The following KIN variants were observed in gnomAD, a reference collection of about 807,000 sequenced individuals.
KIN encodes the protein Kin17 DNA and RNA binding protein.
Under a neutral mutation model 63.0 loss-of-function variants are expected in KIN, and 47 were observed. The ratio of observed to expected loss-of-function variants is 0.75; its 90% CI spans 0.59 to 0.95. KIN has a LOEUF of 0.95. Ranked by LOEUF, KIN falls within the 40% of genes least tolerant of loss-of-function variation. The pLI, the probability that KIN is intolerant of heterozygous loss-of-function variation, is 0.00. For synonymous variants in KIN, 160 were observed against 157.7 expected, an observed-to-expected ratio of 1.01 and a Z score of -0.11; for missense variants, 408 against 460.9, an observed-to-expected ratio of 0.89 and a Z score of 1.05.
rs1387809713 is a variant in KIN, at chr10:7,755,202, G to C, written c.*878C>G. The stretch of plus-strand genomic sequence containing the variant: ...TAAAATCCTGTAAATGGGTGATCAT[G>C]GCAGCATTATTCACAATAGCCAAAA... On this transcript the variant is annotated 3_prime_UTR_variant, in exon 13 of 13. Coordinates refer to ENST00000379562, the MANE Select transcript of KIN (RefSeq NM_012311.4). 1 of 152,238 alleles carries C rather than the reference G, an allele frequency of 6.6e-6. No individual in the cohort carries two copies. The highest frequency in any genetic ancestry group is 1.5e-5 in the Non-Finnish European group (1 of 68,046). The allele number at this position is 152,238 out of a possible 1,614,324, so 9.4% of individuals were successfully genotyped here. A position where few individuals can be genotyped will look rare whatever the true frequency, so the allele number is the denominator to read the frequency against.
At chr10:7,771,762 G>A (rs141121065) in intron 7 of KIN, among the ~76,000 whole-genome samples, 3 of 152,084 alleles carry the variant, frequency 2.0e-5, no homozygotes, top group African/African-American at 7.2e-5. Context: ...GAGCATGGTG[G>A]TGCATGCCTG....
At chr10:7,775,240 G>C (rs1306559364) in intron 6 of KIN, among the ~76,000 whole-genome samples, 3 of 152,200 alleles carry the variant, frequency 2.0e-5, no homozygotes, top group Admixed American at 6.5e-5. Context: ...GGTGAATTCT[G>C]ATTGTCTAAT....
chr10:7,783,568 C>T (rs1588488953), intron 1 of KIN, among the ~76,000 whole-genome samples: 2 of 152,268 alleles, frequency 1.3e-5, no homozygotes, highest in African/African-American at 4.8e-5. Flanking sequence ...AGTGAATTTT[C>T]ACCACAGAAA....
intron 9 of KIN, among the ~76,000 whole-genome samples, chr10:7,764,164 GT>G (rs1835494736): frequency 6.6e-6 from 1 of 152,168 alleles, no homozygotes; most frequent in Admixed American, 6.5e-5. Flanking sequence ...GCGCTGAGTT[GT>G]TCACTGCTGA....
chr10:7,786,577 T>C (rs1206030712), intron 1 of KIN, among the ~76,000 whole-genome samples: 4 of 151,670 alleles, frequency 2.6e-5, no homozygotes, highest in African/African-American at 9.7e-5. Flanking sequence ...GCCTGCATGA[T>C]GAACAGGGTG....
chr10:7,765,510 C>A (rs1333317616), intron 9 of KIN, among the ~76,000 whole-genome samples: 1 of 152,034 alleles, frequency 6.6e-6, no homozygotes, highest in Non-Finnish European at 1.5e-5. Flanking sequence ...AATAGAGCAT[C>A]AATAAATAAT....
At chr10:7,765,623 T>A (rs1346378221) in intron 9 of KIN, among the ~76,000 whole-genome samples, 1 of 152,216 alleles carries the variant, frequency 6.6e-6, no homozygotes, top group Non-Finnish European at 1.5e-5. Flanking sequence ...CTTGAGTTTG[T>A]GAAATTAAAG....
intron 5 of KIN, among the ~76,000 whole-genome samples, chr10:7,777,904 C>A (rs7897713): frequency 0.94 from 140,104 of 148,332 alleles, 66,201 homozygotes; most frequent in Middle Eastern, 0.99. Context: ...GTCCCCCCCC[C>A]AAAAAAAAAA....
intron 5 of KIN, 85 bp downstream of exon 5, chr10:7,778,753 C>CAACAAT: frequency 7.1e-7 from 1 of 1,412,186 alleles, no homozygotes; most frequent in East Asian, 2.3e-5. Context: ...ACAACAACAA[C>CAACAAT]AACAAAAACA....
chr10:7,761,314 A>G lies in KIN; in HGVS notation c.1018+1143T>C, dbSNP rs1474601807. 3 of 152,240 alleles carry G rather than the reference A, an allele frequency of 2.0e-5. No homozygotes were observed. The East Asian group carries it at 5.8e-4, about 29-fold the overall frequency. 9.4% of individuals were successfully genotyped at this position (152,240 alleles called of 1,614,324 possible). A position where few individuals can be genotyped will look rare whatever the true frequency, so the allele number is the denominator to read the frequency against. On this transcript the variant is annotated intron_variant, in intron 11 of 12. Coordinates refer to ENST00000379562, the MANE Select transcript of KIN (RefSeq NM_012311.4). ...AAAAAGAATAAAGAATATGATAATA[A>G]GAAGTTCCAGAGACTGATGTTATCA...
intron 10 of KIN, among the ~76,000 whole-genome samples, chr10:7,763,062 C>T (rs1180670233): frequency 5.9e-5 from 9 of 151,882 alleles, no homozygotes; most frequent in Non-Finnish European, 1.3e-4. Flanking sequence ...TTGAGACCAG[C>T]CCAGCCAACT....
At chr10:7,773,709 C>T (rs2131012901) in intron 7 of KIN, among the ~76,000 whole-genome samples, 1 of 152,260 alleles carries the variant, frequency 6.6e-6, no homozygotes, top group Admixed American at 6.5e-5. Context: ...CAATGACCTA[C>T]AAACAAACCC....
rs903790364 is a variant in KIN at position 7,757,453 on chromosome 10, G to A, written c.1120-1311C>T. ...GCAGAGGTTGCAGTGAGCTGAGATC[G>A]CGCCATTGCACTCCAGCCTGGGCGA... On this transcript the variant is annotated intron_variant, in intron 12 of 12. Transcript: ENST00000379562. Among the ~76,000 whole-genome samples, 9 of 151,926 alleles carry A rather than the reference G, an allele frequency of 5.9e-5. No individual in the cohort carries two copies. In the South Asian group the frequency reaches 1.0e-3, roughly 17 times the overall value.
Position 7,778,934 on chromosome 10 carries a change from T to A in KIN, c.462A>T (p.Glu154Asp). ...GGTCCTGCTTTTTCTTTTTCTCCAGTTCCAGTTGCCGGCGGATAGTTTCTG... is the reference window on the plus strand; with the variant it reads ...GGTCCTGCTTTTTCTTTTTCTCCAGATCCAGTTGCCGGCGGATAGTTTCTG... ...RDPETIRRQL[E>D]LEKKKKQDLD... Residue 154 changes from glutamate to aspartate, a missense_variant, in exon 5 of 13, where the codon GAA becomes GAT. By Grantham distance (45) the Glu-to-Asp change is conservative. Transcript: ENST00000379562. 6.2e-7 allele frequency: 1 copy of A among 1,614,160 alleles called. No individual in the cohort carries two copies. Among genetic ancestry groups the A allele is most frequent in the Non-Finnish European group, 8.5e-7 (1 of 1,180,030 alleles).
intron 7 of KIN, 66 bp downstream of exon 7, chr10:7,774,765 A>G: frequency 8.0e-7 from 1 of 1,254,604 alleles, no homozygotes. Context: ...AATACTTTAA[A>G]ATACAGTAAC....
rs908152546 is a variant in KIN, at chr10:7,754,679, C to T, written c.*1401G>A. The T allele has an allele frequency of 1.3e-5, 2 of 152,028 alleles. No individual in the cohort carries two copies. The highest frequency in any genetic ancestry group is 4.8e-5 in the African/African-American group (2 of 41,298). 9.4% of individuals were successfully genotyped at this position (152,028 alleles called of 1,614,324 possible). A position where few individuals can be genotyped will look rare whatever the true frequency, so the allele number is the denominator to read the frequency against. ...AGAAAAGATAGATCATCTCTCTCTTCCCGGTGCTGCTGAAGGGTAAGATGT... is the reference window on the plus strand; with the variant it reads ...AGAAAAGATAGATCATCTCTCTCTTTCCGGTGCTGCTGAAGGGTAAGATGT... On this transcript the variant is annotated 3_prime_UTR_variant, in exon 13 of 13. Coordinates refer to ENST00000379562, the MANE Select transcript of KIN (RefSeq NM_012311.4).
chr10:7,762,586 A>G (rs1350651433), intron 10 of KIN, 30 bp from the exon 11 acceptor site: 2 of 1,272,182 alleles, frequency 1.6e-6, no homozygotes, highest in Non-Finnish European at 2.3e-6. Context: ...CTTTTATAAT[A>G]GAAGAAATAT....
intron 9 of KIN, among the ~76,000 whole-genome samples, chr10:7,764,522 T>C (rs1564316453): frequency 6.6e-6 from 1 of 152,358 alleles, no homozygotes; most frequent in East Asian, 1.9e-4. Context: ...CAAGTGAATA[T>C]ATCAAAGAGA....
Position 7,780,153 on chromosome 10 carries a change from A to C in KIN, c.279T>G (p.Ile93Met), listed in dbSNP as rs1335338954. ...GGTGGCTGATGTATTCGTTGTAGAC[A>C]ATGTTGTTGTGGACCCTTTTAGTGC... is the stretch of plus-strand genomic sequence containing the variant. ...RFGTKRVHNN[I>M]VYNEYISHRE... Residue 93 changes from isoleucine to methionine, a missense_variant, in exon 4 of 13, where the codon ATT (isoleucine) becomes ATG (methionine). By Grantham distance (10) the Ile-to-Met change is conservative. Transcript: ENST00000379562. 1 of 1,613,896 alleles carries C rather than the reference A, an allele frequency of 6.2e-7. No homozygotes were observed. The highest frequency in any genetic ancestry group is 2.2e-5 in the East Asian group (1 of 44,862).
Sources: gnomAD v4.1 joint callset for allele counts (sites outside exome capture counted in the v4.1 genomes callset) on GRCh38, gnomAD v4.1.1 for gene constraint, MANE v1.5 for transcripts, NCBI Gene and HGNC (gene_info 2026-07-23, HGNC 2026-07-21) for gene names.